DAPK1: variants seen among roughly 807,000 people sequenced by gnomAD.
DAPK1 encodes the protein death-associated protein kinase 1.
In DAPK1, 56 loss-of-function variants were observed where a neutral mutation model predicts 144.9. The observed-to-expected ratio is 0.39, with a 90% CI of 0.31 to 0.48. The LOEUF (loss-of-function observed/expected upper bound fraction) is 0.48. DAPK1 is among the 20% of genes least tolerant of loss of function. The probability of loss-of-function intolerance (pLI) is 0.95; values close to 1 mark genes in which losing one functional copy is unlikely to be tolerated. For synonymous variants in DAPK1, 690 were observed against 749.0 expected (o/e 0.92, Z 1.29); for missense variants, 1,454 against 1,875.4 (o/e 0.78, Z 4.15).
chr9:87,531,493 G>C (rs1825696474), intron 2 of DAPK1, among the ~76,000 whole-genome samples: 3 of 152,160 alleles, frequency 2.0e-5, no homozygotes, highest in Admixed American at 2.0e-4. Context: ...GGAGAAGTTG[G>C]GGGTAAGAGG....
At position 87,621,282 on chromosome 9, in the gene DAPK1, C is replaced by A. The variant is rs144701147; in HGVS notation, c.284+16107C>A. Among the ~76,000 whole-genome samples, 305 of 152,274 alleles carry A rather than the reference C, an allele frequency of 2.0e-3. 2 individuals are homozygous for A. Among genetic ancestry groups the A allele is most frequent in the Non-Finnish European group, 7.3e-4 (50 of 68,036 alleles). Reference sequence around the variant, plus strand: ...AAGGTCCAGCAGGATACTCCAGGGCCCCATGCAATACCCAAAGGTGTGGGG... The same window carrying A: ...AAGGTCCAGCAGGATACTCCAGGGCACCATGCAATACCCAAAGGTGTGGGG... On this transcript the variant is annotated intron_variant, in intron 3 of 25. Transcript: ENST00000408954.
At chr9:87,583,511 A>G (rs2118840743) in intron 2 of DAPK1, among the ~76,000 whole-genome samples, 1 of 152,356 alleles carries the variant, frequency 6.6e-6, no homozygotes, top group South Asian at 2.1e-4. Flanking sequence ...TGATCACTTG[A>G]AAGTGGAGAA....
intron 25 of DAPK1, among the ~76,000 whole-genome samples, chr9:87,705,918 G>T (rs1202039351): frequency 6.6e-6 from 1 of 151,674 alleles, no homozygotes; most frequent in South Asian, 2.1e-4. Context: ...CAGGGGAGTT[G>T]TTTTTCAGAA....
chr9:87,652,558 C>G (rs1830489311), intron 17 of DAPK1, among the ~76,000 whole-genome samples: 2 of 143,108 alleles, frequency 1.4e-5, no homozygotes, highest in African/African-American at 5.3e-5. Flanking sequence ...GATTCTGTGT[C>G]CTCTCACCTG....
At chr9:87,614,757 G>A (rs1409627003) in intron 3 of DAPK1, among the ~76,000 whole-genome samples, 1 of 152,116 alleles carries the variant, frequency 6.6e-6, no homozygotes, top group Non-Finnish European at 1.5e-5. Context: ...TGGGCTCCCC[G>A]GCACTGTGGC....
chr9:87,505,298 G>A (rs1024974698), intron 2 of DAPK1, among the ~76,000 whole-genome samples: 4 of 152,222 alleles, frequency 2.6e-5, no homozygotes, highest in African/African-American at 9.6e-5. Context: ...TGAGACAAAG[G>A]AAGCCACTCT....
chr9:87,506,532 T>C (rs536131730), intron 2 of DAPK1, among the ~76,000 whole-genome samples: 2 of 152,362 alleles, frequency 1.3e-5, no homozygotes, highest in East Asian at 3.9e-4. Context: ...TTGAGTTATG[T>C]AATGTCTAAG....
At chr9:87,574,148 G>T (rs528426371) in intron 2 of DAPK1, among the ~76,000 whole-genome samples, 59 of 152,314 alleles carry the variant, frequency 3.9e-4, no homozygotes, top group African/African-American at 1.3e-3. Context: ...CCTTTCCCAT[G>T]AAAGACATTC....
chr9:87,585,751 G>T (rs1385235894), intron 2 of DAPK1, among the ~76,000 whole-genome samples: 1 of 152,112 alleles, frequency 6.6e-6, no homozygotes, highest in African/African-American at 2.4e-5. Context: ...TGTTTGACAT[G>T]ACAGCCACAG....
intron 2 of DAPK1, among the ~76,000 whole-genome samples, chr9:87,536,454 T>G (rs1402729902): frequency 2.0e-5 from 3 of 152,106 alleles, no homozygotes; most frequent in Non-Finnish European, 2.9e-5. Flanking sequence ...GTACTGATTT[T>G]GAAAGCCAAG....
At chr9:87,498,318 C>A (rs1197239720) in intron 1 of DAPK1, among the ~76,000 whole-genome samples, 2 of 152,156 alleles carry the variant, frequency 1.3e-5, no homozygotes, top group Non-Finnish European at 1.5e-5. Context: ...GGCGCCGGCC[C>A]GACCAGGCGC....
At chr9:87,642,276 GTTGTT>G (rs1373193969) in intron 10 of DAPK1, among the ~76,000 whole-genome samples, 2 of 152,124 alleles carry the variant, frequency 1.3e-5, no homozygotes, top group Non-Finnish European at 2.9e-5. Context: ...GTAATTTTGT[GTTGTT>G]TTCATCAAAA....
At chr9:87,646,693 T>C in intron 13 of DAPK1, 134 bp downstream of exon 13, 1 of 660,698 alleles carries the variant, frequency 1.5e-6, no homozygotes, top group South Asian at 1.9e-5. Context: ...ATGAGCTGCT[T>C]TTAAACAGCT....
intron 2 of DAPK1, among the ~76,000 whole-genome samples, chr9:87,528,784 AT>A (rs1825601903): frequency 6.7e-6 from 1 of 148,974 alleles, no homozygotes; most frequent in South Asian, 2.1e-4. Flanking sequence ...AGGCAGGAGA[AT>A]TTCTTGAACC....
intron 25 of DAPK1, among the ~76,000 whole-genome samples, chr9:87,703,867 G>A (rs574082553): frequency 1.3e-5 from 2 of 152,232 alleles, no homozygotes; most frequent in Non-Finnish European, 2.9e-5. Context: ...TCCCAGGAAC[G>A]GGGGCAGTGC....
intron 2 of DAPK1, among the ~76,000 whole-genome samples, chr9:87,540,256 C>T (rs1405613106): frequency 7.6e-6 from 1 of 131,184 alleles, no homozygotes; most frequent in East Asian, 2.5e-4. Context: ...GTGGCACCAT[C>T]TCAGTTCACT....
At chr9:87,600,233 G>C (rs1015920744) in intron 2 of DAPK1, among the ~76,000 whole-genome samples, 1 of 152,178 alleles carries the variant, frequency 6.6e-6, no homozygotes, top group African/African-American at 2.4e-5. Context: ...AATTTTCCAC[G>C]ATCCGTGCAT....
intron 2 of DAPK1, among the ~76,000 whole-genome samples, chr9:87,580,567 G>A (rs1214207391): frequency 6.6e-6 from 1 of 152,106 alleles, no homozygotes; most frequent in Non-Finnish European, 1.5e-5. Context: ...TATCTCTTTA[G>A]CTTTGGAGGA....
At chr9:87,627,644 C>T (rs1041404807) in intron 3 of DAPK1, among the ~76,000 whole-genome samples, 1 of 152,164 alleles carries the variant, frequency 6.6e-6, no homozygotes, top group Non-Finnish European at 1.5e-5. Flanking sequence ...TAAGAGCCAA[C>T]CTCTTCCCCA....
Sources: allele counts gnomAD v4.1 joint callset (sites outside exome capture counted in the v4.1 genomes callset), GRCh38; gene constraint gnomAD v4.1.1; transcripts MANE v1.5; gene names NCBI Gene and HGNC (gene_info 2026-07-23, HGNC 2026-07-21).